Variants in MYO16 observed in about 807,000 individuals in gnomAD.
MYO16 encodes the protein myosin XVI.
MYO16 carries 94 observed loss-of-function variants against 205.3 expected under a neutral mutation model. That is an observed-to-expected ratio of 0.46 (90% CI 0.39 to 0.54). The LOEUF is 0.54. Among genes scored for constraint, MYO16 ranks in the 20% least tolerant of loss-of-function variants. The pLI, the probability that MYO16 is intolerant of heterozygous loss-of-function variation, is 0.00. For missense variants in MYO16, 2,315 were observed against 2,387.5 expected, an observed-to-expected ratio of 0.97 and a Z score of 0.63; for synonymous variants, 988 against 954.0, an observed-to-expected ratio of 1.04 and a Z score of -0.66.
intron 34 of MYO16, among the ~76,000 whole-genome samples, chr13:109,192,105 G>C (rs72658223): frequency 0.11 from 16,447 of 152,210 alleles, 1,189 homozygotes; most frequent in Middle Eastern, 0.18. Context: ...AGCAGACCTA[G>C]TAGACCTGAT....
intron 9 of MYO16, among the ~76,000 whole-genome samples, chr13:108,843,177 C>G (rs1457221932): frequency 1.3e-5 from 2 of 151,416 alleles, no homozygotes; most frequent in Non-Finnish European, 2.9e-5. Flanking sequence ...TCTAGTGTGA[C>G]ATGTTAATTA....
At chr13:109,086,025 TAAAAC>T (rs760272391) in intron 27 of MYO16, among the ~76,000 whole-genome samples, 1 of 152,206 alleles carries the variant, frequency 6.6e-6, no homozygotes, top group Non-Finnish European at 1.5e-5. Context: ...GAAAATATGT[TAAAAC>T]AAGTTCAAAT....
intron 20 of MYO16, among the ~76,000 whole-genome samples, chr13:108,981,021 C>T (rs1189375466): frequency 6.6e-6 from 1 of 151,882 alleles, no homozygotes. Flanking sequence ...TGAGTTTTTG[C>T]AAAAATGCCT....
intron 12 of MYO16, among the ~76,000 whole-genome samples, chr13:108,876,128 C>G (rs186309409): frequency 8.3e-4 from 127 of 152,192 alleles, no homozygotes; most frequent in African/African-American, 2.9e-3. Flanking sequence ...TAAAACTCCT[C>G]AGTTTTATGA....
chr13:108,988,388 C>T (rs1884710281), intron 20 of MYO16, among the ~76,000 whole-genome samples: 1 of 151,904 alleles, frequency 6.6e-6, no homozygotes, highest in South Asian at 2.1e-4. Flanking sequence ...AAAAGTCGTC[C>T]TTAAAATGCT....
rs78715961 is a variant in MYO16, at chr13:108,978,960, G to T, written c.2370-13416G>T. Reference sequence around the variant, plus strand: ...TTTGATATTTTTAATTTATTCACCAGCTAAATCATAGCTAGCTTTGTTTAG... The same window carrying T: ...TTTGATATTTTTAATTTATTCACCATCTAAATCATAGCTAGCTTTGTTTAG... On this transcript the variant is annotated intron_variant, in intron 20 of 34. Coordinates refer to ENST00000457511, the MANE Select transcript of MYO16 (RefSeq NM_001198950.3). Among the ~76,000 whole-genome samples the T allele has an allele frequency of 5.6e-3, 853 of 151,954 alleles. 12 individuals carry two copies. The highest frequency in any genetic ancestry group is 0.019 in the African/African-American group (806 of 41,512).
chr13:108,706,268 G>A (rs919301876), intron 2 of MYO16, among the ~76,000 whole-genome samples: 5 of 152,150 alleles, frequency 3.3e-5, no homozygotes, highest in Non-Finnish European at 5.9e-5. Flanking sequence ...ATTGTACGTG[G>A]CTGAAAAGGA....
intron 34 of MYO16, among the ~76,000 whole-genome samples, chr13:109,188,184 A>G (rs1189513565): frequency 2.0e-5 from 3 of 152,190 alleles, no homozygotes; most frequent in Non-Finnish European, 4.4e-5. Flanking sequence ...TCTGCAAGGT[A>G]TATTTTTTCA....
chr13:108,956,844 T>A (rs1009353198), intron 16 of MYO16, among the ~76,000 whole-genome samples: 2 of 152,092 alleles, frequency 1.3e-5, no homozygotes, highest in Non-Finnish European at 2.9e-5. Flanking sequence ...TCTGTGCCCC[T>A]GGATAGTTTA....
At chr13:108,944,881 A>G (rs1293671706) in intron 16 of MYO16, among the ~76,000 whole-genome samples, 1 of 152,196 alleles carries the variant, frequency 6.6e-6, no homozygotes, top group Non-Finnish European at 1.5e-5. Context: ...ACAATATTGC[A>G]AAATGGCAGT....
rs183751219 is a variant in MYO16 at position 109,193,891 on chromosome 13, T to C, written c.5416-12718T>C. On this transcript the variant is annotated intron_variant, in intron 34 of 34. Coordinates refer to ENST00000457511, the MANE Select transcript of MYO16 (RefSeq NM_001198950.3). ...TATATACATGTAAGCAAAATATGAA[T>C]ACCATTTGTTATACCACTCAACTCA... Among the ~76,000 whole-genome samples, 404 of 152,298 alleles carry C rather than the reference T, an allele frequency of 2.7e-3. 2 individuals are homozygous for C. The highest frequency in any genetic ancestry group is 3.0e-3 in the Non-Finnish European group (202 of 68,020).
At chr13:108,879,368 T>C (rs1477721225) in intron 12 of MYO16, among the ~76,000 whole-genome samples, 2 of 152,222 alleles carry the variant, frequency 1.3e-5, no homozygotes, top group African/African-American at 2.4e-5. Context: ...ATCAACCTTT[T>C]TTTTATTATT....
chr13:108,943,820 C>T (rs920814086), intron 16 of MYO16, among the ~76,000 whole-genome samples: 1 of 151,792 alleles, frequency 6.6e-6, no homozygotes, highest in Non-Finnish European at 1.5e-5. Context: ...CTCCTGACCT[C>T]GTGATCCGCC....
rs148150918 is a variant in MYO16, at chr13:109,152,398, T to A, written c.5164+11022T>A. 3.0e-3 allele frequency among the ~76,000 whole-genome samples: 460 copies of A among 152,292 alleles called. 1 individual carries two copies. The highest frequency in any genetic ancestry group is 0.011 in the African/African-American group (450 of 41,578). ...ATCTGGTTGAATCACTTACATGTCA[T>A]TCCAGACAGTAAAACTCTAATCGTG... is the stretch of plus-strand genomic sequence containing the variant. On this transcript the variant is annotated intron_variant, in intron 32 of 34. Coordinates refer to ENST00000457511, the MANE Select transcript of MYO16 (RefSeq NM_001198950.3).
chr13:109,132,370 C>T (rs1203775094), intron 31 of MYO16, among the ~76,000 whole-genome samples: 3 of 152,210 alleles, frequency 2.0e-5, no homozygotes, highest in African/African-American at 4.8e-5. Context: ...CTGCATTCTC[C>T]ACAAAACACA....
At chr13:108,702,699 A>G (rs917963291) in intron 2 of MYO16, among the ~76,000 whole-genome samples, 2 of 152,194 alleles carry the variant, frequency 1.3e-5, no homozygotes. Context: ...ACATAATTAC[A>G]GAAATAAATG....
At chr13:108,670,775 A>G (rs1207305172) in intron 2 of MYO16, among the ~76,000 whole-genome samples, 1 of 152,182 alleles carries the variant, frequency 6.6e-6, no homozygotes, top group Non-Finnish European at 1.5e-5. Context: ...TTTTTAGAAT[A>G]CATCTGTCCT....
chr13:108,918,403 A>T (rs1566410865), intron 16 of MYO16, among the ~76,000 whole-genome samples: 1 of 152,234 alleles, frequency 6.6e-6, no homozygotes, highest in African/African-American at 2.4e-5. Flanking sequence ...TCAGTAATTA[A>T]TTCTCACTTA....
intron 32 of MYO16, 101 bp from the exon 33 acceptor site, chr13:109,164,800 A>G (rs1379613116): frequency 4.3e-5 from 25 of 583,216 alleles, no homozygotes; most frequent in Middle Eastern, 4.9e-4. Flanking sequence ...AAATGTCATG[A>G]ATGTTTGATT....
Sources: gnomAD v4.1 joint callset for allele counts (sites outside exome capture counted in the v4.1 genomes callset) on GRCh38, gnomAD v4.1.1 for gene constraint, MANE v1.5 for transcripts, NCBI Gene and HGNC (gene_info 2026-07-23, HGNC 2026-07-21) for gene names.